Variants in CP observed in about 807,000 individuals in gnomAD.
CP encodes the protein ceruloplasmin.
CP carries 64 observed loss-of-function variants against 122.4 expected under a neutral mutation model. The ratio of observed to expected loss-of-function variants is 0.52; its 90% CI spans 0.43 to 0.64. The LOEUF (loss-of-function observed/expected upper bound fraction) is 0.64. Ranked by LOEUF, CP falls within the 30% of genes least tolerant of loss-of-function variation. CP has a pLI of 0.00. For missense variants in CP, 1,167 were observed against 1,284.4 expected (o/e 0.91, Z 1.40); for synonymous variants, 440 against 436.4 (o/e 1.01, Z -0.10).
chr3:149,210,109 A>G, intron 3 of CP, 58 bp downstream of exon 3: 2 of 1,551,774 alleles, frequency 1.3e-6, no homozygotes, highest in Non-Finnish European at 1.8e-6. Context: ...TTTAAAAGAC[A>G]AACTGCCCTG....
At chr3:149,167,107 T>C in intron 4 of CP, 1 of 1,613,670 alleles carries the variant, frequency 6.2e-7, no homozygotes, top group South Asian at 1.1e-5. Context: ...GAAGACACTA[T>C]TGCCGGCCTC....
intron 1 of CP, chr3:149,217,873 T>A (rs545605021): frequency 6.7e-6 from 3 of 448,016 alleles, no homozygotes; most frequent in Non-Finnish European, 1.4e-5. Context: ...TACCGTAAGG[T>A]GGAATGTTCT....
chr3:149,213,328 C>T (rs1191216265), intron 1 of CP, among the ~76,000 whole-genome samples: 6 of 152,126 alleles, frequency 3.9e-5, no homozygotes, highest in Admixed American at 3.9e-4. Flanking sequence ...CTCACTAGTA[C>T]AGATACTTAA....
rs1725912709 is a variant in CP at position 149,183,456 on chromosome 3, A to G, written c.2425+10T>C. On this transcript the variant is annotated intron_variant, in intron 13 of 18. Coordinates refer to ENST00000264613, the MANE Select transcript of CP (RefSeq NM_000096.4). ...AACCCACACCTGATAAACTGGAGAT[A>G]TTAACATACCTAGAATTCCCAGATG... is the stretch of plus-strand genomic sequence containing the variant. 2.5e-6 allele frequency: 4 copies of G among 1,610,884 alleles called. No homozygotes were observed. The highest frequency in any genetic ancestry group is 1.7e-5 in the Admixed American group (1 of 60,000).
chr3:149,209,450 G>A, intron 3 of CP, 66 bp from the exon 4 acceptor site: 1 of 1,483,918 alleles, frequency 6.7e-7, no homozygotes, highest in Non-Finnish European at 9.3e-7. Context: ...TATGTTTTCA[G>A]GTGATTTATA....
intron 14 of CP, among the ~76,000 whole-genome samples, chr3:149,181,552 A>G (rs1452540240): frequency 6.6e-6 from 1 of 152,188 alleles, no homozygotes; most frequent in Admixed American, 6.5e-5. Flanking sequence ...ATTTTACTCT[A>G]TGTTTATTAA....
At chr3:149,170,628 T>G (rs2108194390), downstream of CP, 1 of 152,346 alleles carries the variant, frequency 6.6e-6, no homozygotes, top group Middle Eastern at 3.4e-3. Flanking sequence ...ATTCCAGAAC[T>G]AGGAATCTTT....
chr3:149,176,548 T>A, intron 17 of CP, 136 bp from the exon 18 acceptor site: 1 of 703,008 alleles, frequency 1.4e-6, no homozygotes, highest in Non-Finnish European at 2.4e-6. Context: ...TTTCTGTGTT[T>A]AATACAAATG....
chr3:149,179,443 A>G (rs1725638287), intron 15 of CP, 113 bp downstream of exon 15: 1 of 837,432 alleles, frequency 1.2e-6, no homozygotes, highest in Non-Finnish European at 2.0e-6. Context: ...CAAACAGTTT[A>G]TTTTCCTAGG....
rs149858116 is a variant in CP, at chr3:149,182,034, T to C, written c.2525A>G (p.Glu842Gly). 7.5e-4 allele frequency: 1,072 copies of C among 1,434,862 alleles called. 11 individuals carry two copies. The African/African-American group carries it at 0.014, about 19-fold the overall frequency. 88.9% of individuals were successfully genotyped at this position (1,434,862 alleles called of 1,614,324 possible). Residue 842 changes from glutamate to glycine, a missense_variant, in exon 14 of 19, where the codon GAG becomes GGG. Glu to Gly is a moderately conservative substitution (Grantham distance 98). Transcript: ENST00000264613. Reference protein sequence around the residue: ...YSIHAHGVQTESSTVTPTLPG... With the variant: ...YSIHAHGVQTGSSTVTPTLPG... ...TAATGTTGGAGTAACTGTAGAACTC[T>C]CTGTTTGTACCCCATGGGCATGTAT...
intron 4 of CP, 87 bp from the exon 5 acceptor site, chr3:149,207,704 G>T: frequency 7.0e-7 from 1 of 1,434,510 alleles, no homozygotes; most frequent in East Asian, 2.3e-5. Flanking sequence ...AATCAATTTG[G>T]AATGGCAAAT....
chr3:149,176,433 A>G, intron 17 of CP, 21 bp from the exon 18 acceptor site: 1 of 1,547,770 alleles, frequency 6.5e-7, no homozygotes, highest in South Asian at 1.1e-5. Flanking sequence ...AAAATGACAA[A>G]TAATGTATAA....
chr3:149,181,975 C>CACG, intron 14 of CP, 30 bp downstream of exon 14: 1 of 1,088,426 alleles, frequency 9.2e-7, no homozygotes, highest in South Asian at 1.2e-5. Context: ...TGTTAAAATG[C>CACG]ACCACCCCCA....
chr3:149,164,928 A>G (rs1724259041), intron 5 of CP, among the ~76,000 whole-genome samples: 1 of 152,094 alleles, frequency 6.6e-6, no homozygotes, highest in African/African-American at 2.4e-5. Context: ...TGGGAACTAC[A>G]CTATAAGTGT....
At chr3:149,202,605 C>CTTTTTTTTTTTTTTTTTT in intron 6 of CP, among the ~76,000 whole-genome samples, 1 of 106,814 alleles carries the variant, frequency 9.4e-6, no homozygotes, top group Non-Finnish European at 1.9e-5. Flanking sequence ...TGTTGTTTGT[C>CTTTTTTTTTTTTTTTTTT]TTTTTTTTTT....
chr3:149,214,020 G>A (rs1320796500), intron 1 of CP, among the ~76,000 whole-genome samples: 1 of 152,174 alleles, frequency 6.6e-6, no homozygotes, highest in African/African-American at 2.4e-5. Flanking sequence ...CTGGGGCAGG[G>A]CCCAGGTATC....
intron 15 of CP, among the ~76,000 whole-genome samples, chr3:149,179,145 C>G (rs183906253): frequency 1.3e-5 from 2 of 152,284 alleles, no homozygotes; most frequent in East Asian, 1.9e-4. Flanking sequence ...TTTCTTTTCT[C>G]CCTCCTTACA....
intron 3 of CP, among the ~76,000 whole-genome samples, 158 bp from the exon 4 acceptor site, chr3:149,209,542 T>C (rs1727967298): frequency 6.6e-6 from 1 of 152,172 alleles, no homozygotes; most frequent in Admixed American, 6.5e-5. Context: ...ACAGAAACAC[T>C]CAGGGAATTT....
Position 149,209,334 on chromosome 3 carries a change from T to C in CP, c.658A>G (p.Met220Val). 1 of 1,613,796 alleles carries C rather than the reference T, an allele frequency of 6.2e-7. No homozygotes were observed. Among genetic ancestry groups the C allele is most frequent in the Non-Finnish European group, 8.5e-7 (1 of 1,179,754 alleles). Residue 220 changes from methionine to valine, a missense_variant, in exon 4 of 19, where the codon ATG (methionine) becomes GTG (valine). This residue lies in a region of CP where 642 missense variants were observed against 627.3 expected (regional missense o/e 1.02). Coordinates refer to ENST00000264613, the MANE Select transcript of CP (RefSeq NM_000096.4). ...EKHIDREFVV[M>V]FSVVDENFSW... ...AAATTTTCATCCACCACAGAAAACA[T>C]CACCACAAATTCTCGGTCAATATGT...
Sources: allele counts gnomAD v4.1 joint callset (sites outside exome capture counted in the v4.1 genomes callset), GRCh38; gene constraint gnomAD v4.1.1; regional missense constraint gnomAD v4.1.1; transcripts MANE v1.5; gene names NCBI Gene and HGNC (gene_info 2026-07-23, HGNC 2026-07-21).